NCOA2: variants seen among roughly 807,000 people sequenced by gnomAD.
The protein encoded by NCOA2 is class E basic helix-loop-helix protein 75.
Under a neutral mutation model 145.1 loss-of-function variants are expected in NCOA2, and 21 were observed. That is an observed-to-expected ratio of 0.14 (90% confidence interval 0.10 to 0.21). The LOEUF (loss-of-function observed/expected upper bound fraction) is 0.21, where lower values mean the gene tolerates loss of function less well. NCOA2 is among the 10% of genes least tolerant of loss of function. The pLI, the probability that NCOA2 is intolerant of heterozygous loss-of-function variation, is 1.00. For synonymous variants in NCOA2, 619 were observed against 637.5 expected (o/e 0.97, Z 0.44); for missense variants, 1,472 against 1,837.6 (o/e 0.80, Z 3.64).
chr8:70,152,433 T>C (rs1032620006), intron 11 of NCOA2, among the ~76,000 whole-genome samples: 3 of 152,232 alleles, frequency 2.0e-5, no homozygotes, highest in Admixed American at 1.3e-4. Flanking sequence ...GAAATGGTAA[T>C]ACAATTCTAC....
At chr8:70,446,980 C>T in the NCOA2 span, among the ~76,000 whole-genome samples, 1 of 152,074 alleles carries the variant, frequency 6.6e-6, no homozygotes, top group African/African-American at 2.4e-5. Context: ...CTAAAATCAC[C>T]AAATCAAAAT....
At chr8:70,133,200 CT>C (rs57813061) in intron 15 of NCOA2, among the ~76,000 whole-genome samples, 129 of 106,970 alleles carry the variant, frequency 1.2e-3, no homozygotes, top group East Asian at 5.5e-3. Context: ...CTGGCTGCTA[CT>C]TTTTTTTTTT....
chr8:70,228,663 G>C lies in NCOA2; in HGVS notation c.-19-11899C>G, dbSNP rs78992968. Among the ~76,000 whole-genome samples the C allele has an allele frequency of 6.0e-3, 912 of 152,130 alleles. 5 individuals are homozygous for C. Among genetic ancestry groups the C allele is most frequent in the African/African-American group, 0.02 (850 of 41,492 alleles). On this transcript the variant is annotated intron_variant, in intron 2 of 22. Transcript: ENST00000452400. ...GACGTTTTTCCACTGAGAGAATAAAGAACAATTGTTTATAAAAGCTACACC... is the reference window on the plus strand; with the variant it reads ...GACGTTTTTCCACTGAGAGAATAAACAACAATTGTTTATAAAAGCTACACC...
intron 1 of NCOA2, among the ~76,000 whole-genome samples, chr8:70,314,896 T>C (rs770566125): frequency 6.6e-6 from 1 of 152,206 alleles, no homozygotes; most frequent in Non-Finnish European, 1.5e-5. Flanking sequence ...ATTCATTTTA[T>C]CTAGCAGGAA....
intron 2 of NCOA2, among the ~76,000 whole-genome samples, chr8:70,279,448 T>C (rs1825715288): frequency 6.6e-6 from 1 of 152,204 alleles, no homozygotes; most frequent in African/African-American, 2.4e-5. Flanking sequence ...GAATAATTCC[T>C]GAGTAAGAAG....
In NCOA2 at chr8:70,148,326, C is replaced by T; in HGVS notation, c.2552G>A (p.Ser851Asn). Residue 851 changes from serine (S) to asparagine (N), a missense_variant, in exon 12 of 23, where the codon AGC becomes AAC. Ser to Asn is a conservative substitution (Grantham distance 46, BLOSUM62 1). Around this residue, in one of 4 missense-constraint regions of NCOA2, gnomAD observed 953 missense variants for 1,062.1 expected, o/e 0.90. Transcript: ENST00000452400. Reference sequence around the variant, plus strand: ...CTGGGCTCCAACAGGTGTGACAGGGCTGTTTTCAGCTGTGAGTTGCATGAG... The same window carrying T: ...CTGGGCTCCAACAGGTGTGACAGGGTTGTTTTCAGCTGTGAGTTGCATGAG... ...NDLMQLTAEN[S>N]PVTPVGAQKT... 6.2e-7 allele frequency: 1 copy of T among 1,613,992 alleles called. No individual in the cohort carries two copies. Among genetic ancestry groups the T allele is most frequent in the Non-Finnish European group, 8.5e-7 (1 of 1,179,886 alleles).
chr8:70,325,198 A>G (rs1806448410), intron 1 of NCOA2, among the ~76,000 whole-genome samples: 1 of 152,192 alleles, frequency 6.6e-6, no homozygotes, highest in Non-Finnish European at 1.5e-5. Flanking sequence ...ATCTTTGAAC[A>G]CAAATCTTCG....
intron 1 of NCOA2, among the ~76,000 whole-genome samples, chr8:70,384,787 C>A (rs1812512043): frequency 6.6e-6 from 1 of 152,172 alleles, no homozygotes; most frequent in Non-Finnish European, 1.5e-5. Flanking sequence ...TCACCTTCAA[C>A]CACCATGAAA....
At chr8:70,381,912 C>A (rs1812226482) in intron 1 of NCOA2, among the ~76,000 whole-genome samples, 1 of 152,008 alleles carries the variant, frequency 6.6e-6, no homozygotes, top group Non-Finnish European at 1.5e-5. Flanking sequence ...GCACAAAATC[C>A]TGTGAGTCAG....
At chr8:70,440,709 GAAGA>G in the NCOA2 span, among the ~76,000 whole-genome samples, 16 of 144,334 alleles carry the variant, frequency 1.1e-4, no homozygotes, top group East Asian at 2.8e-3. Context: ...AGAAAGAAAA[GAAGA>G]AAGAAAAAGA....
intron 1 of NCOA2, among the ~76,000 whole-genome samples, chr8:70,353,880 C>A (rs996541153): frequency 6.6e-6 from 1 of 152,156 alleles, no homozygotes. Flanking sequence ...TATAAATACA[C>A]TGACCCTTAT....
intron 22 of NCOA2, among the ~76,000 whole-genome samples, chr8:70,117,521 A>G (rs888879037): frequency 2.6e-5 from 4 of 152,238 alleles, no homozygotes; most frequent in African/African-American, 9.6e-5. Flanking sequence ...TTGTTTATCA[A>G]TATCTTTCTT....
chr8:70,407,615 C>T (rs1312971115), upstream of NCOA2, among the ~76,000 whole-genome samples: 1 of 150,692 alleles, frequency 6.6e-6, no homozygotes, highest in Non-Finnish European at 1.5e-5. Context: ...GGTGAAACCC[C>T]GTCTGTACTA....
At chr8:70,211,160 C>A (rs767282107) in intron 4 of NCOA2, among the ~76,000 whole-genome samples, 1 of 152,118 alleles carries the variant, frequency 6.6e-6, no homozygotes, top group Non-Finnish European at 1.5e-5. Context: ...CCAGAAAATT[C>A]TTTTACTTTC....
chr8:70,161,933 T>C (rs950137546), intron 9 of NCOA2, among the ~76,000 whole-genome samples: 1 of 151,954 alleles, frequency 6.6e-6, no homozygotes, highest in South Asian at 2.1e-4. Flanking sequence ...AACAATGCAC[T>C]TGAGAAAAAG....
Position 70,124,853 on chromosome 8 carries a change from T to A in NCOA2, c.3929A>T (p.Gln1310Leu), listed in dbSNP as rs1360113054. 1.3e-6 allele frequency: 2 copies of A among 1,590,100 alleles called. No homozygotes were observed. The highest frequency in any genetic ancestry group is 1.7e-6 in the Non-Finnish European group (2 of 1,172,998). Reference protein sequence around the residue: ...PFPPNYGISQQPDPGFTGATT... With the variant: ...PFPPNYGISQLPDPGFTGATT... ...AGCCCCAGTAAAGCCTGGATCAGGT[T>A]GCTGACTTATTCCTTAAAAAAAAAA... Residue 1310 changes from glutamine to leucine, a missense_variant, in exon 20 of 23, where the codon CAA becomes CTA. Transcript: ENST00000452400.
intron 2 of NCOA2, among the ~76,000 whole-genome samples, chr8:70,271,241 T>C (rs1403666329): frequency 1.3e-5 from 2 of 152,232 alleles, no homozygotes; most frequent in Non-Finnish European, 2.9e-5. Flanking sequence ...ATGACAGATT[T>C]GCTATGTCTT....
chr8:70,331,460 T>C (rs1217949912), intron 1 of NCOA2, among the ~76,000 whole-genome samples: 3 of 152,166 alleles, frequency 2.0e-5, no homozygotes, highest in Admixed American at 6.5e-5. Context: ...AAATTACAGA[T>C]TTTTTCCTTT....
chr8:70,380,518 CGTT>C (rs760328260), intron 1 of NCOA2, among the ~76,000 whole-genome samples: 1 of 152,094 alleles, frequency 6.6e-6, no homozygotes, highest in Non-Finnish European at 1.5e-5. Context: ...TTAGCATTTA[CGTT>C]GTTTCAGACA....
Sources: gnomAD v4.1 joint callset for allele counts (sites outside exome capture counted in the v4.1 genomes callset) on GRCh38, gnomAD v4.1.1 for gene constraint, gnomAD v4.1.1 regional missense constraint, MANE v1.5 for transcripts, NCBI Gene and HGNC (gene_info 2026-07-23, HGNC 2026-07-21) for gene names.